The following QKI variants were observed in gnomAD, a reference collection of about 807,000 sequenced individuals.
QKI encodes KH domain-containing RNA-binding protein QKI.
QKI carries 10 observed loss-of-function variants against 39.0 expected under a neutral mutation model. The observed-to-expected ratio is 0.26, with a 90% CI of 0.16 to 0.43. The LOEUF (loss-of-function observed/expected upper bound fraction) is 0.43, where lower values mean the gene tolerates loss of function less well. QKI is among the 20% of genes least tolerant of loss of function. QKI has a pLI of 1.00. For synonymous variants in QKI, 204 were observed against 155.4 expected (o/e 1.31, Z -2.33); for missense variants, 218 against 428.0 (o/e 0.51, Z 4.33).
Position 163,426,554 on chromosome 6 carries a change from C to T in QKI, c.142+11219C>T, listed in dbSNP as rs180805789. Among the ~76,000 whole-genome samples the T allele has an allele frequency of 3.4e-3, 511 of 152,014 alleles. 6 individuals carry two copies. The highest frequency in any genetic ancestry group is 0.025 in the Admixed American group (383 of 15,254). On this transcript the variant is annotated intron_variant, in intron 1 of 7. Coordinates refer to ENST00000361752, the MANE Select transcript of QKI (RefSeq NM_006775.3). ...TCCCCACTTGGAACCAGAAGGTGCC[C>T]CATCGACCAAAGGTGCCCCGTCAAC...
chr6:163,530,733 T>A (rs1780796608), intron 3 of QKI, among the ~76,000 whole-genome samples: 1 of 152,148 alleles, frequency 6.6e-6, no homozygotes, highest in Non-Finnish European at 1.5e-5. Flanking sequence ...GGTCGGTCTC[T>A]CTCTTCACAC....
At chr6:163,428,264 A>G (rs1788560359) in intron 1 of QKI, among the ~76,000 whole-genome samples, 1 of 152,238 alleles carries the variant, frequency 6.6e-6, no homozygotes, top group South Asian at 2.1e-4. Context: ...CTAGTTTAGT[A>G]CATCAGATTG....
intron 2 of QKI, among the ~76,000 whole-genome samples, chr6:163,459,002 C>T (rs954385670): frequency 2.6e-4 from 40 of 152,190 alleles, no homozygotes; most frequent in African/African-American, 9.7e-4. Flanking sequence ...ATAAAACACT[C>T]TAAAACTGGG....
At chr6:163,524,403 C>T (rs374940116) in intron 3 of QKI, among the ~76,000 whole-genome samples, 8 of 148,868 alleles carry the variant, frequency 5.4e-5, no homozygotes, top group East Asian at 3.9e-4. Context: ...AAATTATAAC[C>T]GCTAGTCATG....
At chr6:163,556,812 C>T (rs888170780) in intron 4 of QKI, among the ~76,000 whole-genome samples, 5 of 152,164 alleles carry the variant, frequency 3.3e-5, no homozygotes, top group Non-Finnish European at 5.9e-5. Context: ...CAAGGCACTT[C>T]CCCGATACCA....
chr6:163,561,296 T>C (rs1469772432), intron 4 of QKI, among the ~76,000 whole-genome samples: 1 of 152,108 alleles, frequency 6.6e-6, no homozygotes, highest in Non-Finnish European at 1.5e-5. Flanking sequence ...CATTTGAGTT[T>C]TGGAATATTC....
At chr6:163,484,786 A>G (rs1009248063) in intron 3 of QKI, among the ~76,000 whole-genome samples, 2 of 152,198 alleles carry the variant, frequency 1.3e-5, no homozygotes, top group African/African-American at 4.8e-5. Context: ...AAAGATTACT[A>G]TCTACAGGTC....
intron 4 of QKI, among the ~76,000 whole-genome samples, chr6:163,548,893 T>C (rs531881308): frequency 6.1e-4 from 93 of 152,294 alleles, no homozygotes; most frequent in African/African-American, 2.2e-3. Flanking sequence ...TAAGCAGTTA[T>C]TTAAGTGGTA....
intron 1 of QKI, among the ~76,000 whole-genome samples, chr6:163,443,634 G>A (rs1411913890): frequency 6.6e-6 from 1 of 152,206 alleles, no homozygotes; most frequent in Non-Finnish European, 1.5e-5. Flanking sequence ...TGCAACACCT[G>A]TGAATGTCTT....
intron 4 of QKI, among the ~76,000 whole-genome samples, chr6:163,536,103 C>T (rs902282734): frequency 6.6e-6 from 1 of 151,998 alleles, no homozygotes; most frequent in Non-Finnish European, 1.5e-5. Flanking sequence ...AAACATTTCC[C>T]ATTAACTTGA....
intron 3 of QKI, among the ~76,000 whole-genome samples, chr6:163,531,760 C>G (rs182935798): frequency 6.6e-6 from 1 of 152,148 alleles, no homozygotes; most frequent in Non-Finnish European, 1.5e-5. Flanking sequence ...CTGCCTCGGC[C>G]CCCCCAAAGT....
At chr6:163,415,952 G>C (rs751066058) in intron 1 of QKI, 1 of 507,326 alleles carries the variant, frequency 2.0e-6, no homozygotes, top group South Asian at 1.4e-5. Flanking sequence ...AATTATGCTG[G>C]CGTAGCCGAC....
chr6:163,536,178 AATG>A (rs1781194258), intron 4 of QKI, among the ~76,000 whole-genome samples: 1 of 152,098 alleles, frequency 6.6e-6, no homozygotes, highest in South Asian at 2.1e-4. Flanking sequence ...TATTTTTTTT[AATG>A]ATCAGGTTAA....
At chr6:163,567,325 TCAA>T (rs1231579585) in intron 7 of QKI, 3 of 985,648 alleles carry the variant, frequency 3.0e-6, no homozygotes, top group African/African-American at 3.5e-5. Flanking sequence ...TTAGCTAAAA[TCAA>T]CAAAGTGAGG....
chr6:163,524,884 C>T (rs1156830476), intron 3 of QKI, among the ~76,000 whole-genome samples: 2 of 152,164 alleles, frequency 1.3e-5, no homozygotes, highest in East Asian at 1.9e-4. Flanking sequence ...ATGTGCTATC[C>T]GAACACTAAC....
chr6:163,523,927 C>T (rs79436539), intron 3 of QKI, among the ~76,000 whole-genome samples: 3,854 of 152,168 alleles, frequency 0.025, 80 homozygotes, highest in Non-Finnish European at 0.039. Context: ...CCATAAGATT[C>T]GATGGAAGCA....
Position 163,415,391 on chromosome 6 carries a change from C to T in QKI, c.142+56C>T, listed in dbSNP as rs1787360643. 10 of 1,532,402 alleles carry T rather than the reference C, an allele frequency of 6.5e-6. No individual in the cohort carries two copies. In the East Asian group the frequency reaches 7.3e-5, roughly 11 times the overall value. 94.9% of individuals were successfully genotyped at this position (1,532,402 alleles called of 1,614,324 possible). A position where few individuals can be genotyped will look rare whatever the true frequency, so the allele number is the denominator to read the frequency against. On this transcript the variant is annotated intron_variant, in intron 1 of 7. Transcript: ENST00000361752. Reference sequence around the variant, plus strand: ...CGACCCCCGCCGGGGCGGCCCCTTTCCCCGCTTGGGATGGTGGGGAGGGCG... The same window carrying T: ...CGACCCCCGCCGGGGCGGCCCCTTTTCCCGCTTGGGATGGTGGGGAGGGCG...
At position 163,557,081 on chromosome 6, in the gene QKI, A is replaced by G. The variant is rs147076658; in HGVS notation, c.547-4901A>G. 1.3e-4 allele frequency among the ~76,000 whole-genome samples: 20 copies of G among 152,338 alleles called. 1 individual carries two copies. Among genetic ancestry groups the G allele is most frequent in the African/African-American group, 4.1e-4 (17 of 41,576 alleles). On this transcript the variant is annotated intron_variant, in intron 4 of 7. Transcript: ENST00000361752. ...TTCACATATCCAAAAAGTGGAAACA[A>G]TCAAATGTCTGTAGCAGAAGAATAG...
chr6:163,418,785 A>G (rs1787757585), intron 1 of QKI, among the ~76,000 whole-genome samples: 1 of 152,204 alleles, frequency 6.6e-6, no homozygotes, highest in Non-Finnish European at 1.5e-5. Context: ...GAATGAAACA[A>G]CAGTAGTTGA....
Sources: allele counts gnomAD v4.1 joint callset (sites outside exome capture counted in the v4.1 genomes callset), GRCh38; gene constraint gnomAD v4.1.1; transcripts MANE v1.5; gene names NCBI Gene and HGNC (gene_info 2026-07-23, HGNC 2026-07-21).